CNST: variants seen among roughly 807,000 people sequenced by gnomAD.
CNST encodes consortin, connexin sorting protein, also known as consortin.
In CNST, 39 loss-of-function variants were observed where a neutral mutation model predicts 72.4. That is an observed-to-expected ratio of 0.54 (90% confidence interval 0.42 to 0.70). The LOEUF (loss-of-function observed/expected upper bound fraction) is 0.70. Ranked by LOEUF, CNST falls within the 30% of genes least tolerant of loss-of-function variation. The pLI is 0.00. For synonymous variants in CNST, 332 were observed against 320.1 expected (o/e 1.04, Z -0.40); for missense variants, 871 against 868.5 (o/e 1.00, Z -0.04).
chr1:246,609,311 C>T (rs1362163041), intron 2 of CNST, among the ~76,000 whole-genome samples: 1 of 152,234 alleles, frequency 6.6e-6, no homozygotes, highest in Admixed American at 6.5e-5. Flanking sequence ...CACGGCAGCT[C>T]ACGCCTTTAA....
chr1:246,664,610 T>C (rs950194495), intron 10 of CNST, among the ~76,000 whole-genome samples: 2 of 151,954 alleles, frequency 1.3e-5, no homozygotes, highest in African/African-American at 2.4e-5. Flanking sequence ...ATATTTTTAG[T>C]AGAGACGGGG....
At chr1:246,602,330 T>C (rs185474638) in intron 2 of CNST, among the ~76,000 whole-genome samples, 42 of 152,334 alleles carry the variant, frequency 2.8e-4, no homozygotes, top group Admixed American at 2.7e-3. Context: ...TGTGTGTGGC[T>C]TAGCTTGGAG....
In CNST at chr1:246,591,799, C is replaced by T. The variant is rs769939251; in HGVS notation, c.237C>T (p.Cys79=). The T allele has an allele frequency of 8.7e-6, 14 of 1,613,918 alleles. No individual in the cohort carries two copies. The East Asian group carries it at 8.9e-5, about 10-fold the overall frequency. ...LNNNESCTLS[C]EVAAGENLQN... ...ATAATGAAAGCTGCACATTGAGCTG[C>T]GAGGTGGCTGCAGGTGAGAACTTGC... The change falls in exon 2 of 11, where the codon TGC becomes TGT. Residue 79 remains cysteine, a synonymous_variant. Transcript: ENST00000366513.
chr1:246,660,672 A>G lies in CNST; in HGVS notation c.1972+338A>G, dbSNP rs182157069. 7.2e-5 allele frequency among the ~76,000 whole-genome samples: 11 copies of G among 152,320 alleles called. 1 individual carries two copies. The highest frequency in any genetic ancestry group is 2.6e-4 in the African/African-American group (11 of 41,578). On this transcript the variant is annotated intron_variant, in intron 10 of 10. Coordinates refer to ENST00000366513, the MANE Select transcript of CNST (RefSeq NM_152609.3). ...CCCGGGAGACAGGTTACAGTGAGCC[A>G]AGAGCGTGCCACTGCACTTCAGCCT...
chr1:246,611,564 C>T (rs899847291), intron 2 of CNST, among the ~76,000 whole-genome samples: 1 of 152,032 alleles, frequency 6.6e-6, no homozygotes, highest in Non-Finnish European at 1.5e-5. Flanking sequence ...AAACTCAAAC[C>T]AATTAATCTT....
intron 5 of CNST, chr1:246,634,241 T>C (rs1258667108): frequency 3.6e-6 from 2 of 555,724 alleles, no homozygotes; most frequent in Non-Finnish European, 6.3e-6. Context: ...TACTTGCAAC[T>C]ATTTGCATTT....
intron 9 of CNST, among the ~76,000 whole-genome samples, chr1:246,659,997 G>A (rs1024794912): frequency 2.6e-5 from 4 of 152,078 alleles, no homozygotes; most frequent in Non-Finnish European, 4.4e-5. Context: ...AGGAAACCAG[G>A]GTTTTGGACT....
In CNST at chr1:246,660,258, T is replaced by C. The variant is rs1269825732; in HGVS notation, c.1896T>C (p.Asp632=). Residue 632 remains aspartate (D), a synonymous_variant, in exon 10 of 11, where the codon GAT becomes GAC. Coordinates refer to ENST00000366513, the MANE Select transcript of CNST (RefSeq NM_152609.3). ...ILKKRNDTVG[D]HPAQMQHKPS... is the part of the protein sequence containing the mutation. ...AGAAGAGGAATGATACTGTAGGAGA[T>C]CATCCTGCCCAAATGCAACACAAAC... 2 of 1,613,232 alleles carry C rather than the reference T, an allele frequency of 1.2e-6. No homozygotes were observed. The highest frequency in any genetic ancestry group is 3.3e-5 in the Admixed American group (2 of 59,996).
chr1:246,586,787 T>C (rs907885430), intron 1 of CNST, among the ~76,000 whole-genome samples: 4 of 152,188 alleles, frequency 2.6e-5, no homozygotes, highest in African/African-American at 9.6e-5. Context: ...TTTTCTACAT[T>C]GTACATATTT....
chr1:246,608,479 A>T (rs1349222044), intron 2 of CNST, among the ~76,000 whole-genome samples: 1 of 152,264 alleles, frequency 6.6e-6, no homozygotes, highest in African/African-American at 2.4e-5. Flanking sequence ...AAAAGTAGAG[A>T]ATCCAAACAT....
At chr1:246,607,348 C>T (rs1451755635) in intron 2 of CNST, 1 of 152,020 alleles carries the variant, frequency 6.6e-6, no homozygotes, top group Admixed American at 6.5e-5. Flanking sequence ...GTGGTAAGCG[C>T]GATGCCCTCT....
At position 246,631,926 on chromosome 1, in the gene CNST, T is replaced by C. The variant is rs754200987; in HGVS notation, c.616+2T>C. On this transcript the variant is annotated splice_donor_variant, in intron 4 of 10. Coordinates refer to ENST00000366513, the MANE Select transcript of CNST (RefSeq NM_152609.3). LOFTEE classifies it high-confidence loss of function. ...AATCCTATTTCCAGGAGGAGGACTG[T>C]ATCCTTTTCTTAATTACAGGAAGAA... 2 of 1,526,338 alleles carry C rather than the reference T, an allele frequency of 1.3e-6. No homozygotes were observed. The highest frequency in any genetic ancestry group is 1.4e-5 in the African/African-American group (1 of 71,608). 94.5% of individuals were successfully genotyped at this position (1,526,338 alleles called of 1,614,324 possible).
At chr1:246,613,839 G>A (rs970905237) in intron 2 of CNST, among the ~76,000 whole-genome samples, 1 of 147,792 alleles carries the variant, frequency 6.8e-6, no homozygotes, top group South Asian at 2.2e-4. Context: ...AACTACAGGT[G>A]CACACCACCA....
intron 4 of CNST, among the ~76,000 whole-genome samples, chr1:246,633,612 A>G (rs1185618734): frequency 6.6e-6 from 1 of 151,326 alleles, no homozygotes; most frequent in Non-Finnish European, 1.5e-5. Context: ...GCGCAGTGGT[A>G]GGCGCCTGTA....
At chr1:246,628,512 G>C (rs1456728927) in intron 3 of CNST, among the ~76,000 whole-genome samples, 4 of 152,178 alleles carry the variant, frequency 2.6e-5, no homozygotes, top group African/African-American at 9.6e-5. Flanking sequence ...ACTCTTAAAA[G>C]TTCTGTTTTA....
At chr1:246,598,625 G>A (rs541794604) in intron 2 of CNST, among the ~76,000 whole-genome samples, 16 of 152,238 alleles carry the variant, frequency 1.1e-4, no homozygotes, top group African/African-American at 3.4e-4. Context: ...GGCTATAGTA[G>A]AACATTGATA....
intron 2 of CNST, among the ~76,000 whole-genome samples, chr1:246,610,932 T>G (rs1663274770): frequency 6.6e-6 from 1 of 152,186 alleles, no homozygotes; most frequent in South Asian, 2.1e-4. Context: ...CAACCGTATT[T>G]TTTTTGCACC....
intron 5 of CNST, 95 bp from the exon 6 acceptor site, chr1:246,634,378 A>G (rs1265828550): frequency 2.9e-6 from 2 of 678,198 alleles, no homozygotes; most frequent in Non-Finnish European, 5.0e-6. Flanking sequence ...TTGCATGCAA[A>G]TCTTTATGAG....
intron 2 of CNST, among the ~76,000 whole-genome samples, chr1:246,616,877 CT>C (rs753200089): frequency 4.0e-5 from 6 of 151,156 alleles, no homozygotes; most frequent in Non-Finnish European, 8.8e-5. Context: ...TCAAGCAAAA[CT>C]TTGTAAGACT....
Sources: gnomAD v4.1 joint callset for allele counts (sites outside exome capture counted in the v4.1 genomes callset) on GRCh38, gnomAD v4.1.1 for gene constraint, MANE v1.5 for transcripts, NCBI Gene and HGNC (gene_info 2026-07-23, HGNC 2026-07-21) for gene names.